Variants in PPARGC1A observed in about 807,000 individuals in gnomAD.
PPARGC1A encodes peroxisome proliferator-activated receptor gamma coactivator 1-alpha.
Under a neutral mutation model 88.7 loss-of-function variants are expected in PPARGC1A, and 25 were observed. The observed-to-expected ratio is 0.28, with a 90% CI of 0.21 to 0.39. The LOEUF is 0.39. Among genes scored for constraint, PPARGC1A ranks in the 10% least tolerant of loss-of-function variants. The probability of loss-of-function intolerance (pLI) is 1.00; values close to 1 mark genes in which losing one functional copy is unlikely to be tolerated. For synonymous variants in PPARGC1A, 363 were observed against 355.6 expected, an observed-to-expected ratio of 1.02 and a Z score of -0.24; for missense variants, 880 against 968.7, an observed-to-expected ratio of 0.91 and a Z score of 1.22.
At chr4:24,131,954 C>T in the PPARGC1A span, among the ~76,000 whole-genome samples, 1 of 152,314 alleles carries the variant, frequency 6.6e-6, no homozygotes, top group East Asian at 1.9e-4. Flanking sequence ...AATGCTTATG[C>T]ACACTTGAAA....
chr4:23,976,539 C>T, the PPARGC1A span, among the ~76,000 whole-genome samples: 1 of 152,122 alleles, frequency 6.6e-6, no homozygotes, highest in Non-Finnish European at 1.5e-5. Flanking sequence ...TATGTCTCAC[C>T]CTACCACCAA....
the PPARGC1A span, among the ~76,000 whole-genome samples, chr4:24,351,454 C>T: frequency 4.7e-5 from 7 of 150,346 alleles, no homozygotes; most frequent in Non-Finnish European, 1.0e-4. Context: ...AGGAAAAATG[C>T]GATTACAAAA....
chr4:24,340,594 T>A, the PPARGC1A span, among the ~76,000 whole-genome samples: 3 of 152,210 alleles, frequency 2.0e-5, no homozygotes, highest in Non-Finnish European at 4.4e-5. Context: ...AAAATGACTA[T>A]TAAGCCGTAG....
At chr4:23,947,861 C>G in the PPARGC1A span, among the ~76,000 whole-genome samples, 1 of 152,114 alleles carries the variant, frequency 6.6e-6, no homozygotes, top group Non-Finnish European at 1.5e-5. Context: ...TATGGTTTTT[C>G]TTCCTCCCTG....
Position 23,857,066 on chromosome 4 carries a change from C to T in PPARGC1A, c.235-25315G>A, listed in dbSNP as rs117693000. 1.8e-3 allele frequency among the ~76,000 whole-genome samples: 278 copies of T among 152,094 alleles called. 4 individuals are homozygous for T. In the East Asian group the frequency reaches 0.049, roughly 27 times the overall value. On this transcript the variant is annotated intron_variant, in intron 2 of 12. Coordinates refer to ENST00000264867, the MANE Select transcript of PPARGC1A (RefSeq NM_013261.5). The stretch of plus-strand genomic sequence containing the variant: ...TTTGAAAACTTAAAAAATGGAAAGG[C>T]TAATGTTTCCTGGCAGAGACACACA...
At chr4:24,387,822 A>AAGAG in the PPARGC1A span, among the ~76,000 whole-genome samples, 4 of 68,156 alleles carry the variant, frequency 5.9e-5, no homozygotes, top group African/African-American at 8.0e-5. Context: ...GAAAGAAAGA[A>AAGAG]AGAGAGAAAG....
chr4:23,825,725 A>G (rs1424853023), intron 5 of PPARGC1A, among the ~76,000 whole-genome samples: 1 of 131,416 alleles, frequency 7.6e-6, no homozygotes, highest in Non-Finnish European at 1.7e-5. Flanking sequence ...GTATTTGCAT[A>G]TTTATAGATT....
the PPARGC1A span, among the ~76,000 whole-genome samples, chr4:24,014,045 T>C: frequency 2.2e-4 from 34 of 152,216 alleles, no homozygotes; most frequent in Non-Finnish European, 4.9e-4. Flanking sequence ...GGATGATGTA[T>C]GTAAAGGGAA....
the PPARGC1A span, among the ~76,000 whole-genome samples, chr4:24,019,351 A>C: frequency 6.6e-6 from 1 of 152,186 alleles, no homozygotes; most frequent in African/African-American, 2.4e-5. Flanking sequence ...TGTCTCATTT[A>C]ATCTTTAAAC....
At chr4:24,188,794 G>A in the PPARGC1A span, among the ~76,000 whole-genome samples, 4 of 151,860 alleles carry the variant, frequency 2.6e-5, no homozygotes, top group East Asian at 7.8e-4. Context: ...TCCACTTCTG[G>A]GTATATATCC....
chr4:23,908,629 T>G (rs1220137653), upstream of PPARGC1A, among the ~76,000 whole-genome samples: 1 of 152,142 alleles, frequency 6.6e-6, no homozygotes, highest in Non-Finnish European at 1.5e-5. Flanking sequence ...CGTCAAAGGG[T>G]GCAGAACAGA....
At chr4:24,377,975 T>A in the PPARGC1A span, among the ~76,000 whole-genome samples, 453 of 152,324 alleles carry the variant, frequency 3.0e-3, 2 homozygotes, top group African/African-American at 0.01. Context: ...AGAAATAAGA[T>A]AATCTGTAAT....
the PPARGC1A span, among the ~76,000 whole-genome samples, chr4:24,176,930 C>A: frequency 6.6e-6 from 1 of 152,196 alleles, no homozygotes; most frequent in African/African-American, 2.4e-5. Context: ...TCTGCTGTCT[C>A]AACACCAGAT....
chr4:24,142,268 A>G, the PPARGC1A span, among the ~76,000 whole-genome samples: 1 of 152,220 alleles, frequency 6.6e-6, no homozygotes, highest in Non-Finnish European at 1.5e-5. Flanking sequence ...GGAAGTAGAG[A>G]TGAAACGCTA....
chr4:24,042,406 G>A, the PPARGC1A span, among the ~76,000 whole-genome samples: 2 of 152,200 alleles, frequency 1.3e-5, no homozygotes, highest in African/African-American at 4.8e-5. Flanking sequence ...ATAGATGAAA[G>A]AAAGCAAGCA....
At chr4:24,257,747 T>C in the PPARGC1A span, among the ~76,000 whole-genome samples, 1 of 152,176 alleles carries the variant, frequency 6.6e-6, no homozygotes, top group African/African-American at 2.4e-5. Flanking sequence ...CTTAACAAAA[T>C]ATCATTCACC....
At chr4:24,189,704 G>A in the PPARGC1A span, among the ~76,000 whole-genome samples, 1 of 152,118 alleles carries the variant, frequency 6.6e-6, no homozygotes, top group Non-Finnish European at 1.5e-5. Context: ...TGAGAAGAGA[G>A]GCCACCTTTA....
At chr4:24,215,889 A>G in the PPARGC1A span, among the ~76,000 whole-genome samples, 3 of 152,184 alleles carry the variant, frequency 2.0e-5, no homozygotes, top group African/African-American at 7.2e-5. Flanking sequence ...CCTATTTCTT[A>G]TTAGTTCTTA....
chr4:24,034,776 T>C, the PPARGC1A span, among the ~76,000 whole-genome samples: 1 of 152,208 alleles, frequency 6.6e-6, no homozygotes, highest in Non-Finnish European at 1.5e-5. Context: ...TTAAAGTAAG[T>C]GATTGAGAAT....
Sources: gnomAD v4.1 joint callset for allele counts (sites outside exome capture counted in the v4.1 genomes callset) on GRCh38, gnomAD v4.1.1 for gene constraint, MANE v1.5 for transcripts, NCBI Gene and HGNC (gene_info 2026-07-23, HGNC 2026-07-21) for gene names.